Variants in SVIL observed in about 807,000 individuals in gnomAD.
SVIL encodes archvillin.
In SVIL, 101 loss-of-function variants were observed where a neutral mutation model predicts 240.4. The ratio of observed to expected loss-of-function variants is 0.42; its 90% CI spans 0.36 to 0.50. SVIL has a LOEUF of 0.50. Ranked by LOEUF, SVIL falls within the 20% of genes least tolerant of loss-of-function variation. The pLI is 0.01. For missense variants in SVIL, 2,512 were observed against 2,818.7 expected (o/e 0.89, Z 2.46); for synonymous variants, 999 against 1,100.0 (o/e 0.91, Z 1.82).
chr10:29,654,680 C>A (rs555532072), intron 3 of SVIL, among the ~76,000 whole-genome samples: 1 of 152,180 alleles, frequency 6.6e-6, no homozygotes, highest in Non-Finnish European at 1.5e-5. Flanking sequence ...AGAAGTCCCA[C>A]AACCGGTTGT....
At chr10:29,514,785 G>A (rs1172387490) in intron 16 of SVIL, among the ~76,000 whole-genome samples, 1 of 152,206 alleles carries the variant, frequency 6.6e-6, no homozygotes, top group African/African-American at 2.4e-5. Flanking sequence ...GAACTGGTCA[G>A]ATGATCTCTA....
exon 3 of SVIL, chr10:29,657,998 G>C (rs1178020476): frequency 6.6e-6 from 1 of 152,166 alleles, no homozygotes; most frequent in Admixed American, 6.5e-5. Flanking sequence ...TCATGGCTTC[G>C]ATGTGAAATG....
At chr10:29,573,034 CGCTT>C (rs1328368144) in intron 1 of SVIL, among the ~76,000 whole-genome samples, 2 of 151,582 alleles carry the variant, frequency 1.3e-5, no homozygotes, top group African/African-American at 4.8e-5. Flanking sequence ...ATTTTCCTGT[CGCTT>C]GCTTTTCCTT....
chr10:29,523,061 C>T (rs988660352), intron 15 of SVIL, among the ~76,000 whole-genome samples: 7 of 152,194 alleles, frequency 4.6e-5, no homozygotes, highest in Non-Finnish European at 8.8e-5. Flanking sequence ...GCAAAACAGG[C>T]ATGCAGGAAG....
chr10:29,562,151 C>A (rs1490097041), intron 3 of SVIL, among the ~76,000 whole-genome samples: 1 of 152,214 alleles, frequency 6.6e-6, no homozygotes, highest in East Asian at 1.9e-4. Context: ...GCCCTTCCAT[C>A]AAATCTGTTT....
chr10:29,617,289 G>T (rs1213858256), intron 1 of SVIL, among the ~76,000 whole-genome samples: 2 of 152,132 alleles, frequency 1.3e-5, no homozygotes, highest in African/African-American at 4.8e-5. Context: ...CTGTGAACCT[G>T]ACTTTTGTCA....
intron 1 of SVIL, among the ~76,000 whole-genome samples, chr10:29,603,937 A>T (rs1011187053): frequency 1.3e-5 from 2 of 152,204 alleles, no homozygotes; most frequent in African/African-American, 4.8e-5. Flanking sequence ...TCCAATTTAC[A>T]TTTGTAATTT....
At chr10:29,721,390 A>C (rs952797911) in intron 1 of SVIL, among the ~76,000 whole-genome samples, 23 of 152,322 alleles carry the variant, frequency 1.5e-4, no homozygotes, top group Admixed American at 6.5e-4. Context: ...ATTAAACGTA[A>C]GTAATCTAAA....
chr10:29,587,080 G>A lies in SVIL; in HGVS notation c.-200-17768C>T, dbSNP rs80024287. Among the ~76,000 whole-genome samples, 1,697 of 152,320 alleles carry A rather than the reference G, an allele frequency of 0.011. 61 individuals are homozygous for A. The East Asian group carries it at 0.13, about 12-fold the overall frequency. On this transcript the variant is annotated intron_variant, in intron 1 of 37. Coordinates refer to ENST00000355867, the MANE Select transcript of SVIL (RefSeq NM_021738.3). ...ATTTTCCCGATAAAGTCCATACTCC[G>A]TAGAATAAGCCCTGATACAGAACTG...
chr10:29,698,752 C>T (rs1382365771), intron 1 of SVIL, among the ~76,000 whole-genome samples: 2 of 149,722 alleles, frequency 1.3e-5, no homozygotes, highest in African/African-American at 2.4e-5. Context: ...AAATAAATCA[C>T]ACATTTTGTA....
intron 21 of SVIL, among the ~76,000 whole-genome samples, chr10:29,492,443 G>C (rs560922084): frequency 6.6e-6 from 1 of 152,230 alleles, no homozygotes; most frequent in South Asian, 2.1e-4. Flanking sequence ...TGTGTTCTGA[G>C]GGGCCTCTAG....
chr10:29,481,385 T>C (rs1174860148), intron 28 of SVIL, among the ~76,000 whole-genome samples, 199 bp downstream of exon 28: 1 of 151,860 alleles, frequency 6.6e-6, no homozygotes, highest in African/African-American at 2.4e-5. Flanking sequence ...TCCTGCACAG[T>C]GGGGTGACTG....
chr10:29,701,015 C>T (rs1053932081), intron 1 of SVIL, among the ~76,000 whole-genome samples: 1 of 152,154 alleles, frequency 6.6e-6, no homozygotes, highest in Non-Finnish European at 1.5e-5. Context: ...TGTGTTTGAG[C>T]TGATGCAGGG....
chr10:29,617,012 C>T (rs145818692), intron 1 of SVIL, among the ~76,000 whole-genome samples: 20 of 152,270 alleles, frequency 1.3e-4, no homozygotes, highest in African/African-American at 3.4e-4. Context: ...CATGAGACAC[C>T]GCACCTGGCT....
chr10:29,669,676 G>T (rs1959610232), intron 2 of SVIL, among the ~76,000 whole-genome samples: 1 of 152,204 alleles, frequency 6.6e-6, no homozygotes, highest in African/African-American at 2.4e-5. Context: ...GCACTGAGAA[G>T]TGGCCAGACT....
intron 1 of SVIL, among the ~76,000 whole-genome samples, chr10:29,606,322 G>T (rs1308092667): frequency 6.6e-6 from 1 of 152,176 alleles, no homozygotes; most frequent in East Asian, 1.9e-4. Flanking sequence ...TGGGATTACA[G>T]ACACTGGCCA....
chr10:29,623,983 T>G (rs1751484023), intron 1 of SVIL, among the ~76,000 whole-genome samples: 1 of 152,180 alleles, frequency 6.6e-6, no homozygotes, highest in Admixed American at 6.5e-5. Context: ...CCATGATGGT[T>G]GCAGAATGAC....
At chr10:29,488,418 A>G (rs756306681) in intron 23 of SVIL, among the ~76,000 whole-genome samples, 183 bp downstream of exon 23, 9 of 152,028 alleles carry the variant, frequency 5.9e-5, no homozygotes, top group Admixed American at 5.9e-4. Context: ...AATACTTCCT[A>G]TGTCATGGGA....
chr10:29,507,367 C>A (rs1008367708), intron 17 of SVIL, among the ~76,000 whole-genome samples: 4 of 152,168 alleles, frequency 2.6e-5, no homozygotes, highest in African/African-American at 4.8e-5. Context: ...TCCTCTTAAA[C>A]CAGTTTCATG....
Sources: gnomAD v4.1 joint callset for allele counts (sites outside exome capture counted in the v4.1 genomes callset) on GRCh38, gnomAD v4.1.1 for gene constraint, MANE v1.5 for transcripts, NCBI Gene and HGNC (gene_info 2026-07-23, HGNC 2026-07-21) for gene names.